BST1: variants seen among roughly 807,000 people sequenced by gnomAD.
BST1 encodes ADP-ribosyl cyclase/cyclic ADP-ribose hydrolase 2.
In BST1, 49 loss-of-function variants were observed where a neutral mutation model predicts 40.6. The observed-to-expected ratio is 1.21, with a 90% CI of 0.96 to 1.53. The LOEUF (loss-of-function observed/expected upper bound fraction) is 1.53. Ranked by LOEUF, BST1 falls within the 40% of genes most tolerant of loss-of-function variation. The pLI, the probability that BST1 is intolerant of heterozygous loss-of-function variation, is 0.00. For missense variants in BST1, 423 were observed against 395.9 expected (o/e 1.07, Z -0.58); for synonymous variants, 157 against 159.3 (o/e 0.99, Z 0.11).
chr4:15,770,523 G>A, the BST1 span, among the ~76,000 whole-genome samples: 34,327 of 151,900 alleles, frequency 0.23, 4,168 homozygotes, highest in African/African-American at 0.29. Flanking sequence ...TGGGCAACAT[G>A]GTGAAGCCCC....
chr4:15,757,414 A>G, the BST1 span, among the ~76,000 whole-genome samples: 8 of 152,118 alleles, frequency 5.3e-5, no homozygotes, highest in Non-Finnish European at 1.2e-4. Context: ...GCCCAAGGTC[A>G]AATACCAGCT....
chr4:15,727,947 A>G (rs1398327768), intron 8 of BST1, among the ~76,000 whole-genome samples: 2 of 151,542 alleles, frequency 1.3e-5, no homozygotes, highest in African/African-American at 4.9e-5. Flanking sequence ...TGGTAGGATA[A>G]TCATACAGCA....
At chr4:15,736,632 A>G (rs1721577243), downstream of BST1, among the ~76,000 whole-genome samples, 2 of 151,576 alleles carry the variant, frequency 1.3e-5, no homozygotes, top group South Asian at 4.2e-4. Context: ...AAAATCTGCG[A>G]TTCAAGATCT....
At chr4:15,716,185 C>T (rs555321088) in intron 6 of BST1, among the ~76,000 whole-genome samples, 94 of 152,238 alleles carry the variant, frequency 6.2e-4, no homozygotes, top group Middle Eastern at 3.4e-3. Flanking sequence ...ATAATTAAGA[C>T]GTCATTCTCA....
In BST1 at chr4:15,703,646, G is replaced by A. The variant is rs112033687; in HGVS notation, c.188+314G>A. ...AGAGGTGAGGGGGGTGTGTGTGTGC[G>A]CGCGCTCTAGAGGTGGGAGGTGTGT... is the stretch of plus-strand genomic sequence containing the variant. On this transcript the variant is annotated intron_variant, in intron 1 of 8. Transcript: ENST00000265016. 3.0e-5 allele frequency among the ~76,000 whole-genome samples: 4 copies of A among 134,318 alleles called. No individual in the cohort carries two copies. The South Asian group carries it at 7.5e-4, about 25-fold the overall frequency. 88.1% of individuals were successfully genotyped at this position (134,318 alleles called of 152,430 possible).
the BST1 span, among the ~76,000 whole-genome samples, chr4:15,770,694 C>T: frequency 2.0e-5 from 3 of 152,080 alleles, no homozygotes; most frequent in Admixed American, 6.6e-5. Context: ...AGTGAGACTC[C>T]GTCTCAAAAC....
Position 15,703,917 on chromosome 4 carries a change from G to C in BST1, c.188+585G>C, listed in dbSNP as rs1230779707. 5.2e-4 allele frequency among the ~76,000 whole-genome samples: 75 copies of C among 142,920 alleles called. 1 individual carries two copies. Among genetic ancestry groups the C allele is most frequent in the Admixed American group, 5.1e-3 (73 of 14,346 alleles). 93.8% of individuals were successfully genotyped at this position (142,920 alleles called of 152,430 possible). On this transcript the variant is annotated intron_variant, in intron 1 of 8. Coordinates refer to ENST00000265016, the MANE Select transcript of BST1 (RefSeq NM_004334.3). ...GTGTGTGCGTGCGCTCTAGAGGTGAGGGGTGTGTGTATTCTAGAGGTGAGG... is the reference window on the plus strand; with the variant it reads ...GTGTGTGCGTGCGCTCTAGAGGTGACGGGTGTGTGTATTCTAGAGGTGAGG...
chr4:15,750,048 T>C, the BST1 span, among the ~76,000 whole-genome samples: 1 of 151,734 alleles, frequency 6.6e-6, no homozygotes, highest in Non-Finnish European at 1.5e-5. Flanking sequence ...TGAGTTCAGA[T>C]GGTTTGATTT....
downstream of BST1, among the ~76,000 whole-genome samples, chr4:15,734,360 A>G (rs1721487265): frequency 6.6e-6 from 1 of 152,240 alleles, no homozygotes; most frequent in African/African-American, 2.4e-5. Flanking sequence ...AACCAAAAAG[A>G]AATGTTTTCA....
downstream of BST1, among the ~76,000 whole-genome samples, chr4:15,738,967 G>T (rs915470686): frequency 6.6e-6 from 1 of 152,194 alleles, no homozygotes; most frequent in African/African-American, 2.4e-5. Context: ...GTTTCCCAGG[G>T]TGAGAAAGTG....
the BST1 span, among the ~76,000 whole-genome samples, chr4:15,746,619 G>C: frequency 2.6e-5 from 4 of 152,132 alleles, no homozygotes; most frequent in Non-Finnish European, 5.9e-5. Context: ...GCCTCTTAAA[G>C]GCCCCACCCC....
rs1467647555 is a variant in BST1, at chr4:15,711,820, A to G, written c.465A>G (p.Gln155=). ...CTTACCCCTTAGGACTCGATTACCA[A>G]TCCTGCCCTACATCAGAAGACTGTG... is the stretch of plus-strand genomic sequence containing the variant. ...RQKNDSGLDY[Q]SCPTSEDCEN... is the part of the protein sequence containing the mutation. Residue 155 remains glutamine, a synonymous_variant, in exon 4 of 9, where the codon CAA becomes CAG. Coordinates refer to ENST00000265016, the MANE Select transcript of BST1 (RefSeq NM_004334.3). 1.2e-6 allele frequency: 2 copies of G among 1,613,814 alleles called. No homozygotes were observed. Among genetic ancestry groups the G allele is most frequent in the Admixed American group, 3.3e-5 (2 of 60,006 alleles).
At chr4:15,704,836 AT>A in intron 1 of BST1, 1 of 713,516 alleles carries the variant, frequency 1.4e-6, no homozygotes, top group South Asian at 1.5e-5. Flanking sequence ...TTTCTTACTG[AT>A]TTTTGTTCCT....
chr4:15,761,856 A>C, the BST1 span, among the ~76,000 whole-genome samples: 1 of 152,016 alleles, frequency 6.6e-6, no homozygotes, highest in South Asian at 2.1e-4. Context: ...AGCTTTTGTT[A>C]CATGATTTTC....
chr4:15,705,449 G>A, intron 1 of BST1, 66 bp from the exon 2 acceptor site: 2 of 1,487,972 alleles, frequency 1.3e-6, no homozygotes, highest in Non-Finnish European at 1.8e-6. Flanking sequence ...TTAGACAAAT[G>A]GGCATACTTC....
At chr4:15,735,218 T>G (rs908715338), downstream of BST1, among the ~76,000 whole-genome samples, 3 of 152,138 alleles carry the variant, frequency 2.0e-5, no homozygotes, top group Non-Finnish European at 4.4e-5. Context: ...TCTGTTGACC[T>G]CTCTCCCTGC....
At chr4:15,763,653 A>G in the BST1 span, among the ~76,000 whole-genome samples, 1 of 152,052 alleles carries the variant, frequency 6.6e-6, no homozygotes, top group East Asian at 1.9e-4. Flanking sequence ...TACTGTCAGG[A>G]AACAAAACAA....
At chr4:15,761,918 G>A in the BST1 span, among the ~76,000 whole-genome samples, 7 of 151,676 alleles carry the variant, frequency 4.6e-5, no homozygotes, top group Non-Finnish European at 5.9e-5. Context: ...AACTTAATTC[G>A]GCCGGGCGCG....
rs1721405733 is a variant in BST1 at position 15,732,253 on chromosome 4, G to C, written c.*408G>C. Reference sequence around the variant, plus strand: ...TAAGACATATGTATACTATATAAATGTATGCATATATGGTCTGCAAAGTTT... The same window carrying C: ...TAAGACATATGTATACTATATAAATCTATGCATATATGGTCTGCAAAGTTT... On this transcript the variant is annotated 3_prime_UTR_variant, in exon 9 of 9. Coordinates refer to ENST00000265016, the MANE Select transcript of BST1 (RefSeq NM_004334.3). The C allele has an allele frequency of 5.4e-6, 2 of 372,950 alleles. No homozygotes were observed. The highest frequency in any genetic ancestry group is 7.5e-6 in the Non-Finnish European group (2 of 268,080). The allele number at this position is 372,950 out of a possible 1,614,324, so 23.1% of individuals were successfully genotyped here.
Sources: gnomAD v4.1 joint callset for allele counts (sites outside exome capture counted in the v4.1 genomes callset) on GRCh38, gnomAD v4.1.1 for gene constraint, MANE v1.5 for transcripts, NCBI Gene and HGNC (gene_info 2026-07-23, HGNC 2026-07-21) for gene names.